The following BCAR3 variants were observed in gnomAD, a reference collection of about 807,000 sequenced individuals.
The protein encoded by BCAR3 is BCAR3 adaptor protein, NSP family member, also known as breast cancer anti-estrogen resistance protein 3.
Under a neutral mutation model 80.1 loss-of-function variants are expected in BCAR3, and 37 were observed. The observed-to-expected ratio is 0.46, with a 90% confidence interval of 0.36 to 0.61. BCAR3 has a LOEUF of 0.61. BCAR3 is among the 20% of genes least tolerant of loss of function. The pLI is 0.00. For missense variants in BCAR3, 978 were observed against 1,068.2 expected (o/e 0.92, Z 1.18); for synonymous variants, 389 against 418.9 (o/e 0.93, Z 0.87).
At chr1:93,764,937 A>G (rs1652091791) in intron 2 of BCAR3, among the ~76,000 whole-genome samples, 1 of 151,962 alleles carries the variant, frequency 6.6e-6, no homozygotes, top group South Asian at 2.1e-4. Flanking sequence ...GCCCCACTGT[A>G]GCACACATGT....
chr1:93,726,078 T>C (rs1039106166), intron 2 of BCAR3, among the ~76,000 whole-genome samples: 3 of 152,148 alleles, frequency 2.0e-5, no homozygotes, highest in Admixed American at 6.5e-5. Flanking sequence ...TTTGTTTTTT[T>C]GTTTTTGAGA....
chr1:93,802,929 C>CT (rs1653535401), intron 2 of BCAR3, among the ~76,000 whole-genome samples: 1 of 152,162 alleles, frequency 6.6e-6, no homozygotes. Flanking sequence ...TGTCTGCAAC[C>CT]AACTAATCGT....
chr1:93,574,329 TC>T (rs1673355079), intron 8 of BCAR3, among the ~76,000 whole-genome samples: 1 of 152,202 alleles, frequency 6.6e-6, no homozygotes, highest in Admixed American at 6.5e-5. Context: ...TGTATTTGAT[TC>T]TCAAATGCAA....
chr1:93,732,317 T>G (rs548222223), intron 2 of BCAR3, among the ~76,000 whole-genome samples: 4 of 151,990 alleles, frequency 2.6e-5, no homozygotes, highest in Non-Finnish European at 5.9e-5. Flanking sequence ...TGAAAGAGGT[T>G]TGAAATGGAA....
chr1:93,836,345 G>C (rs1557704839), intron 2 of BCAR3, among the ~76,000 whole-genome samples: 1 of 152,084 alleles, frequency 6.6e-6, no homozygotes, highest in East Asian at 1.9e-4. Flanking sequence ...AGATGTCCTG[G>C]GTCCTCCCAA....
chr1:93,661,678 G>A lies in BCAR3; in HGVS notation c.317+12936C>T, dbSNP rs149276696. On this transcript the variant is annotated intron_variant, in intron 2 of 11. Transcript: ENST00000260502. ...AAATTTTTTTGTATTTAATAGAGAC[G>A]GGGTTTCACCCTGTTGGTCAGGCTG... 4.0e-5 allele frequency among the ~76,000 whole-genome samples: 6 copies of A among 149,764 alleles called. No individual in the cohort carries two copies. The East Asian group carries it at 6.0e-4, about 15-fold the overall frequency.
intron 3 of BCAR3, among the ~76,000 whole-genome samples, chr1:93,619,062 C>T (rs941335104): frequency 6.6e-6 from 1 of 151,764 alleles, no homozygotes; most frequent in Non-Finnish European, 1.5e-5. Context: ...CCTCAGCCTC[C>T]CGAGTAGCTG....
intron 2 of BCAR3, among the ~76,000 whole-genome samples, chr1:93,843,021 A>G (rs954659175): frequency 4.6e-5 from 7 of 152,178 alleles, no homozygotes; most frequent in Admixed American, 1.3e-4. Context: ...AAAGGCCTTC[A>G]TTTCAACGTT....
intron 2 of BCAR3, among the ~76,000 whole-genome samples, chr1:93,804,603 A>C (rs1653599334): frequency 6.6e-6 from 1 of 152,202 alleles, no homozygotes; most frequent in Non-Finnish European, 1.5e-5. Flanking sequence ...CATCCTGGGC[A>C]GGACAGAGTT....
chr1:93,719,802 G>T (rs1292637854), intron 2 of BCAR3, among the ~76,000 whole-genome samples: 2 of 152,188 alleles, frequency 1.3e-5, no homozygotes, highest in African/African-American at 4.8e-5. Flanking sequence ...AATTCTGATG[G>T]AGAGAGAATC....
rs1674256294 is a variant in BCAR3 at position 93,592,522 on chromosome 1, G to C, written c.358-129C>G. ...GCCTGCATTCAGGTAGGGGAGCCTGGATAATGATTACAAAGAGCTGTGACC... is the reference window on the plus strand; with the variant it reads ...GCCTGCATTCAGGTAGGGGAGCCTGCATAATGATTACAAAGAGCTGTGACC... On this transcript the variant is annotated intron_variant, in intron 3 of 11. Coordinates refer to ENST00000260502, the MANE Select transcript of BCAR3 (RefSeq NM_003567.4). The surrounding 1 kb of genome is among the most constrained non-coding windows in gnomAD (Gnocchi z 4.8). 33 of 1,270,708 alleles carry C rather than the reference G, an allele frequency of 2.6e-5. No homozygotes were observed. The South Asian group carries it at 4.8e-4, about 19-fold the overall frequency. 78.7% of individuals were successfully genotyped at this position (1,270,708 alleles called of 1,614,324 possible).
At chr1:93,798,032 T>C (rs905093612) in intron 2 of BCAR3, among the ~76,000 whole-genome samples, 1 of 152,198 alleles carries the variant, frequency 6.6e-6, no homozygotes, top group East Asian at 1.9e-4. Flanking sequence ...ATAGGACAAA[T>C]TGGACATTTA....
chr1:93,607,886 C>T (rs921107769), intron 3 of BCAR3, among the ~76,000 whole-genome samples: 8 of 152,302 alleles, frequency 5.3e-5, no homozygotes, highest in Non-Finnish European at 7.3e-5. Flanking sequence ...TATCTCCATC[C>T]GCCCACCAGA....
At chr1:93,569,872 A>G (rs542957604) in intron 9 of BCAR3, among the ~76,000 whole-genome samples, 2 of 152,224 alleles carry the variant, frequency 1.3e-5, no homozygotes, top group African/African-American at 2.4e-5. Flanking sequence ...TACCAGTCTC[A>G]GGGGAAGCTC....
chr1:93,821,050 G>A (rs1421420175), intron 2 of BCAR3, among the ~76,000 whole-genome samples: 1 of 152,138 alleles, frequency 6.6e-6, no homozygotes, highest in Non-Finnish European at 1.5e-5. Flanking sequence ...AATTACAAGA[G>A]TTTTAGGAGC....
At chr1:93,606,236 A>G (rs1027460133) in intron 3 of BCAR3, among the ~76,000 whole-genome samples, 4 of 152,220 alleles carry the variant, frequency 2.6e-5, no homozygotes, top group African/African-American at 9.6e-5. Context: ...CAAACATCCT[A>G]CATGTCATGC....
intron 3 of BCAR3, among the ~76,000 whole-genome samples, chr1:93,630,887 T>C (rs781649956): frequency 2.0e-5 from 3 of 152,208 alleles, no homozygotes; most frequent in African/African-American, 4.8e-5. Flanking sequence ...GTTAAGGAAA[T>C]TGAGCTCCAG....
At chr1:93,726,274 T>C (rs1303722337) in intron 2 of BCAR3, among the ~76,000 whole-genome samples, 1 of 152,132 alleles carries the variant, frequency 6.6e-6, no homozygotes, top group Non-Finnish European at 1.5e-5. Context: ...GGTCTCATTA[T>C]GTTGCCAAGG....
At position 93,589,072 on chromosome 1, in the gene BCAR3, G is replaced by A; in HGVS notation, c.834C>T (p.Leu278=). The change falls in exon 5 of 12, where the codon CTC becomes CTT. Residue 278 remains leucine, a synonymous_variant. Coordinates refer to ENST00000260502, the MANE Select transcript of BCAR3 (RefSeq NM_003567.4). ...TSPGQAREGS[L]TKGRPDVAKR... is the part of the protein sequence containing the mutation. ...TGGCCACATCCGGCCTTCCCTTGGT[G>A]AGGCTGCCCTCCCGGGCCTGGCCTG... 6.2e-7 allele frequency: 1 copy of A among 1,612,426 alleles called. No individual in the cohort carries two copies. The highest frequency in any genetic ancestry group is 8.5e-7 in the Non-Finnish European group (1 of 1,179,048).
Sources: gnomAD v4.1 joint callset for allele counts (sites outside exome capture counted in the v4.1 genomes callset) on GRCh38, gnomAD v4.1.1 for gene constraint, Gnocchi (gnomAD v3.1) non-coding constraint, MANE v1.5 for transcripts, NCBI Gene and HGNC (gene_info 2026-07-23, HGNC 2026-07-21) for gene names.